The following RAPGEF4 variants were observed in gnomAD, a reference collection of about 807,000 sequenced individuals.
RAPGEF4 encodes Rap guanine nucleotide exchange factor 4, also known as RAP guanine-nucleotide-exchange factor (GEF) 4.
RAPGEF4 carries 66 observed loss-of-function variants against 147.9 expected under a neutral mutation model. That is an observed-to-expected ratio of 0.45 (90% confidence interval 0.37 to 0.55). The LOEUF (loss-of-function observed/expected upper bound fraction) is 0.55, where lower values mean the gene tolerates loss of function less well. Ranked by LOEUF, RAPGEF4 falls within the 20% of genes least tolerant of loss-of-function variation. The pLI is 0.00. For missense variants in RAPGEF4, 1,071 were observed against 1,257.3 expected, an observed-to-expected ratio of 0.85 and a Z score of 2.24; for synonymous variants, 419 against 442.7, an observed-to-expected ratio of 0.95 and a Z score of 0.67.
intron 17 of RAPGEF4, among the ~76,000 whole-genome samples, chr2:173,008,786 A>G (rs1191608903): frequency 1.3e-5 from 2 of 150,794 alleles, no homozygotes; most frequent in Admixed American, 1.3e-4. Flanking sequence ...ATGAGCAGTT[A>G]AAAAAAAGTA....
At chr2:172,988,990 A>C in intron 14 of RAPGEF4, 151 bp downstream of exon 14, 1 of 844,284 alleles carries the variant, frequency 1.2e-6, no homozygotes, top group Non-Finnish European at 1.8e-6. Flanking sequence ...GTTATATTTA[A>C]TGTGTTGGTA....
In RAPGEF4 at chr2:173,020,599, A is replaced by C. The variant is rs199629312; in HGVS notation, c.2156-19A>C. On this transcript the variant is annotated intron_variant, in intron 22 of 30. Transcript: ENST00000397081. ...TCAGATGTATTTAATAGGCAATCTCATGCTTTTTATGTTCACAGAAAAGGT... is the reference window on the plus strand; with the variant it reads ...TCAGATGTATTTAATAGGCAATCTCCTGCTTTTTATGTTCACAGAAAAGGT... The C allele has an allele frequency of 4.5e-5, 72 of 1,597,570 alleles. No homozygotes were observed. Among genetic ancestry groups the C allele is most frequent in the Non-Finnish European group, 6.1e-5 (71 of 1,165,300 alleles).
intron 29 of RAPGEF4, chr2:173,048,330 G>T: frequency 1.8e-6 from 1 of 554,714 alleles, no homozygotes; most frequent in Non-Finnish European, 2.7e-6. Context: ...AGGCATGATA[G>T]ATGTTTTTTA....
intron 23 of RAPGEF4, 32 bp downstream of exon 23, chr2:173,020,747 T>C (rs752268653): frequency 6.4e-7 from 1 of 1,553,282 alleles, no homozygotes; most frequent in Non-Finnish European, 8.8e-7. Context: ...AGAGCAGCAT[T>C]GCAATCAGAA....
At chr2:172,766,215 A>G (rs927540478) in intron 1 of RAPGEF4, among the ~76,000 whole-genome samples, 1 of 152,176 alleles carries the variant, frequency 6.6e-6, no homozygotes, top group Non-Finnish European at 1.5e-5. Context: ...CCATGATACA[A>G]TAAAGTACAC....
At chr2:172,807,744 C>A (rs928279944) in intron 3 of RAPGEF4, among the ~76,000 whole-genome samples, 5 of 152,172 alleles carry the variant, frequency 3.3e-5, no homozygotes, top group Non-Finnish European at 5.9e-5. Context: ...CCAGCCTGGG[C>A]AACATAGCAA....
At chr2:172,765,028 T>C (rs78729459) in intron 1 of RAPGEF4, among the ~76,000 whole-genome samples, 1,582 of 152,340 alleles carry the variant, frequency 0.01, 28 homozygotes, top group African/African-American at 0.036. Flanking sequence ...ATGAAGGCGT[T>C]GTCAGGACAG....
chr2:172,825,518 T>C (rs981853805), intron 4 of RAPGEF4, among the ~76,000 whole-genome samples: 13 of 152,302 alleles, frequency 8.5e-5, no homozygotes, highest in Admixed American at 5.9e-4. Context: ...TATTATCTCT[T>C]TTTTTTACTG....
intron 1 of RAPGEF4, among the ~76,000 whole-genome samples, chr2:172,753,728 G>A (rs1695507728): frequency 6.6e-6 from 1 of 151,970 alleles, no homozygotes; most frequent in African/African-American, 2.4e-5. Flanking sequence ...GCTTACTAAT[G>A]TTTAGATGCT....
intron 27 of RAPGEF4, among the ~76,000 whole-genome samples, chr2:173,035,589 C>A (rs775258707): frequency 2.6e-5 from 4 of 151,700 alleles, no homozygotes; most frequent in Non-Finnish European, 5.9e-5. Flanking sequence ...TAGGCTCAAG[C>A]GATACTCCTG....
chr2:172,910,068 C>T (rs1699955368), intron 4 of RAPGEF4, among the ~76,000 whole-genome samples: 1 of 152,218 alleles, frequency 6.6e-6, no homozygotes, highest in Non-Finnish European at 1.5e-5. Context: ...CCCATCAGTC[C>T]AGCCCCTTGC....
intron 10 of RAPGEF4, among the ~76,000 whole-genome samples, chr2:172,973,107 C>CTTTTTTTTTTTT (rs58806286): frequency 7.5e-5 from 10 of 132,580 alleles, no homozygotes; most frequent in East Asian, 4.4e-4. Flanking sequence ...CTTTTTTTTT[C>CTTTTTTTTTTTT]TTTTTTTTTT....
chr2:172,849,349 C>A (rs1692566325), intron 4 of RAPGEF4, among the ~76,000 whole-genome samples: 1 of 152,144 alleles, frequency 6.6e-6, no homozygotes, highest in Non-Finnish European at 1.5e-5. Context: ...AATAAGAGCC[C>A]TTTATTAGTG....
At chr2:172,835,702 A>G (rs935658160) in intron 4 of RAPGEF4, among the ~76,000 whole-genome samples, 2 of 152,232 alleles carry the variant, frequency 1.3e-5, no homozygotes, top group Non-Finnish European at 2.9e-5. Flanking sequence ...CGTTCTTGAT[A>G]CTTATGATAA....
chr2:172,742,370 G>C (rs538764771), intron 1 of RAPGEF4, among the ~76,000 whole-genome samples: 2 of 151,862 alleles, frequency 1.3e-5, no homozygotes, highest in Non-Finnish European at 2.9e-5. Context: ...GAAGAAACTG[G>C]GTTGTTGTTG....
intron 10 of RAPGEF4, among the ~76,000 whole-genome samples, chr2:172,971,172 TA>T (rs1690439955): frequency 6.6e-6 from 1 of 152,186 alleles, no homozygotes; most frequent in Non-Finnish European, 1.5e-5. Flanking sequence ...AGTGACTAGG[TA>T]AACAGAGTAT....
chr2:172,839,419 C>T (rs1691338327), intron 4 of RAPGEF4, among the ~76,000 whole-genome samples: 1 of 152,108 alleles, frequency 6.6e-6, no homozygotes, highest in Non-Finnish European at 1.5e-5. Flanking sequence ...ATTATTCATG[C>T]CTTCCCTTTT....
rs773453675 is a variant in RAPGEF4, at chr2:172,965,649, G to T, written c.786G>T (p.Trp262Cys). Residue 262 changes from tryptophan to cysteine, a missense_variant, in exon 9 of 31, where the codon TGG becomes TGT. Transcript: ENST00000397081. ...CCCGGACTCAAGCTGTTGGCATGTG[G>T]CAAGTCCTGTTAGAAGATGGTGTTC... ...VHSRTQAVGMWQVLLEDGVLN... is the reference protein window; with the variant it reads ...VHSRTQAVGMCQVLLEDGVLN... 2.5e-6 allele frequency: 4 copies of T among 1,614,046 alleles called. No individual in the cohort carries two copies. The African/African-American group carries it at 5.3e-5, about 22-fold the overall frequency.
At chr2:173,017,766 CA>C (rs1033346113) in intron 21 of RAPGEF4, among the ~76,000 whole-genome samples, 1 of 152,124 alleles carries the variant, frequency 6.6e-6, no homozygotes, top group African/African-American at 2.4e-5. Context: ...AAGATGATCT[CA>C]GGGCCTGGTT....
Sources: allele counts gnomAD v4.1 joint callset (sites outside exome capture counted in the v4.1 genomes callset), GRCh38; gene constraint gnomAD v4.1.1; transcripts MANE v1.5; gene names NCBI Gene and HGNC (gene_info 2026-07-23, HGNC 2026-07-21).